Variants in MRTFA observed in about 807,000 individuals in gnomAD.
MRTFA encodes myocardin-related transcription factor A.
Under a neutral mutation model 83.5 loss-of-function variants are expected in MRTFA, and 20 were observed. The observed-to-expected ratio is 0.24, with a 90% CI of 0.17 to 0.35. The LOEUF (loss-of-function observed/expected upper bound fraction) is 0.35, where lower values mean the gene tolerates loss of function less well. Among genes scored for constraint, MRTFA ranks in the 10% least tolerant of loss-of-function variants. The pLI is 1.00. For synonymous variants in MRTFA, 659 were observed against 541.2 expected, an observed-to-expected ratio of 1.22 and a Z score of -3.02; for missense variants, 1,200 against 1,224.7, an observed-to-expected ratio of 0.98 and a Z score of 0.30.
Position 40,417,419 on chromosome 22 carries a change from G to A in MRTFA, c.2439C>T (p.Leu813=), listed in dbSNP as rs758122207. The change falls in exon 13 of 15, where the codon CTC becomes CTT. Residue 813 remains leucine (L), a synonymous_variant. Transcript: ENST00000355630. The stretch of plus-strand genomic sequence containing the variant: ...TCAGCAGAGAAGTGGGGGTCCCAAA[G>A]AGGGGCTGCAGTGGGTGCTCCAGGT... 3.1e-6 allele frequency: 5 copies of A among 1,610,292 alleles called. No individual in the cohort carries two copies. The highest frequency in any genetic ancestry group is 1.7e-6 in the Non-Finnish European group (2 of 1,179,266).
chr22:40,482,169 G>A (rs1691349303), intron 3 of MRTFA, among the ~76,000 whole-genome samples: 1 of 151,932 alleles, frequency 6.6e-6, no homozygotes, highest in South Asian at 2.1e-4. Context: ...ATGGCTATTT[G>A]AGATATGTAC....
intron 3 of MRTFA, among the ~76,000 whole-genome samples, chr22:40,527,921 A>AG (rs999328220): frequency 2.0e-5 from 3 of 151,980 alleles, no homozygotes; most frequent in Admixed American, 2.0e-4. Context: ...AACAAAAAGG[A>AG]GGAAAAAAAA....
intron 2 of MRTFA, among the ~76,000 whole-genome samples, chr22:40,582,159 A>C (rs1025815088): frequency 4.6e-5 from 7 of 152,194 alleles, no homozygotes; most frequent in African/African-American, 1.7e-4. Flanking sequence ...CATAAATGGG[A>C]TCATACAGTA....
intron 1 of MRTFA, among the ~76,000 whole-genome samples, chr22:40,636,207 A>G (rs1009118230): frequency 3.9e-5 from 6 of 152,166 alleles, no homozygotes; most frequent in African/African-American, 1.4e-4. Context: ...CGCCCCGCGC[A>G]GCACAGCCCT....
intron 3 of MRTFA, chr22:40,533,737 C>A: frequency 1.8e-6 from 1 of 571,378 alleles, no homozygotes; most frequent in Non-Finnish European, 2.6e-6. Context: ...AATCTGATGC[C>A]TTATGCTCAA....
intron 3 of MRTFA, among the ~76,000 whole-genome samples, chr22:40,515,807 C>A (rs1265411502): frequency 6.6e-6 from 1 of 152,176 alleles, no homozygotes; most frequent in East Asian, 1.9e-4. Context: ...ACCCCTTATT[C>A]TGAACTACCT....
intron 3 of MRTFA, among the ~76,000 whole-genome samples, chr22:40,536,622 C>A (rs1490771515): frequency 1.3e-5 from 1 of 74,622 alleles, no homozygotes; most frequent in South Asian, 4.7e-4. Context: ...AAGTGAGGAG[C>A]GTCTCCGCCC....
chr22:40,632,627 G>A (rs2056654146), intron 1 of MRTFA, among the ~76,000 whole-genome samples: 1 of 152,012 alleles, frequency 6.6e-6, no homozygotes, highest in Admixed American at 6.6e-5. Flanking sequence ...GTAGCGACGG[G>A]GTTTCCCCAT....
intron 3 of MRTFA, among the ~76,000 whole-genome samples, chr22:40,483,950 G>A (rs898795365): frequency 1.3e-4 from 19 of 151,894 alleles, no homozygotes; most frequent in African/African-American, 4.1e-4. Flanking sequence ...CAAGTGATCC[G>A]CTCACCTCAA....
chr22:40,548,522 G>A (rs891781739), intron 3 of MRTFA, among the ~76,000 whole-genome samples: 5 of 151,882 alleles, frequency 3.3e-5, no homozygotes, highest in Admixed American at 6.6e-5. Flanking sequence ...GAAAAGCCTT[G>A]ACATTTATTT....
chr22:40,521,636 CTA>C (rs1244205654), intron 3 of MRTFA, among the ~76,000 whole-genome samples: 2 of 151,514 alleles, frequency 1.3e-5, no homozygotes, highest in Non-Finnish European at 2.9e-5. Flanking sequence ...GTAGCTGGGA[CTA>C]TGTGTGCCCG....
intron 1 of MRTFA, among the ~76,000 whole-genome samples, chr22:40,628,007 G>A (rs889116030): frequency 6.6e-6 from 1 of 152,092 alleles, no homozygotes; most frequent in African/African-American, 2.4e-5. Context: ...CAAAAATCCT[G>A]TTATCTAGAA....
At chr22:40,526,506 G>A (rs1180592449) in intron 3 of MRTFA, 1 of 152,190 alleles carries the variant, frequency 6.6e-6, no homozygotes, top group Non-Finnish European at 1.5e-5. Flanking sequence ...ACAAGCAAGG[G>A]AGAGAAGAGA....
chr22:40,573,013 A>C (rs1234746903), intron 2 of MRTFA, among the ~76,000 whole-genome samples: 1 of 152,228 alleles, frequency 6.6e-6, no homozygotes, highest in African/African-American at 2.4e-5. Context: ...AAGAAGCCAG[A>C]CACAAAAGAC....
chr22:40,560,377 T>G (rs112114915), intron 2 of MRTFA, among the ~76,000 whole-genome samples: 1,672 of 152,304 alleles, frequency 0.011, 37 homozygotes, highest in Middle Eastern at 0.078. Flanking sequence ...ATACAAGCAC[T>G]GACAAAAGAC....
intron 3 of MRTFA, among the ~76,000 whole-genome samples, chr22:40,529,393 C>T (rs932284219): frequency 2.0e-5 from 3 of 151,956 alleles, no homozygotes; most frequent in Non-Finnish European, 2.9e-5. Context: ...CTCGGCTCAC[C>T]GCAACCTCCA....
At chr22:40,515,745 C>T (rs937399023) in intron 3 of MRTFA, among the ~76,000 whole-genome samples, 3 of 152,100 alleles carry the variant, frequency 2.0e-5, no homozygotes, top group Admixed American at 6.6e-5. Context: ...TCAGGAAACT[C>T]GCCTACCAGT....
chr22:40,456,154 G>A (rs931141156), intron 4 of MRTFA, among the ~76,000 whole-genome samples: 12 of 151,924 alleles, frequency 7.9e-5, no homozygotes, highest in African/African-American at 2.2e-4. Flanking sequence ...AACCCCTTCC[G>A]GTCTTATTAC....
intron 3 of MRTFA, among the ~76,000 whole-genome samples, chr22:40,493,408 A>G (rs1381212586): frequency 6.6e-6 from 1 of 152,358 alleles, no homozygotes; most frequent in East Asian, 1.9e-4. Flanking sequence ...ATAAGAATCA[A>G]AAGTGTCACA....
Sources: allele counts gnomAD v4.1 joint callset (sites outside exome capture counted in the v4.1 genomes callset), GRCh38; gene constraint gnomAD v4.1.1; transcripts MANE v1.5; gene names NCBI Gene and HGNC (gene_info 2026-07-23, HGNC 2026-07-21).